MGAM2: variants seen among roughly 807,000 people sequenced by gnomAD.
MGAM2 encodes the protein probable maltase-glucoamylase 2.
In MGAM2, 98 loss-of-function variants were observed where a neutral mutation model predicts 96.1. That is an observed-to-expected ratio of 1.02 (90% confidence interval 0.87 to 1.21). The LOEUF is 1.21. Ranked by LOEUF, MGAM2 falls within the 50% of genes most tolerant of loss-of-function variation. MGAM2 has a pLI of 0.00. For missense variants in MGAM2, 2,055 were observed against 1,182.4 expected (o/e 1.74, Z -10.82); for synonymous variants, 749 against 414.8 (o/e 1.81, Z -9.79).
chr7:142,157,799 A>G, intron 17 of MGAM2, 138 bp from the exon 18 acceptor site: 3 of 613,482 alleles, frequency 4.9e-6, no homozygotes, highest in Non-Finnish European at 8.7e-6. Flanking sequence ...TAGGATTAGT[A>G]TCTTTTCAGT....
Position 142,134,076 on chromosome 7 carries a change from A to T in MGAM2, c.671A>T (p.His224Leu). Residue 224 changes from histidine to leucine, a missense_variant, in exon 7 of 48, where the codon CAT becomes CTT. Coordinates refer to ENST00000477922, the MANE Select transcript of MGAM2 (RefSeq NM_001293626.2). Reference sequence around the variant, plus strand: ...GCCAATGTGTATGGGCTGGGAGAGCATGTGCACCAGCAGTACCGCCACAAT... The same window carrying T: ...GCCAATGTGTATGGGCTGGGAGAGCTTGTGCACCAGCAGTACCGCCACAAT... The part of the protein sequence containing the change: ...PSANVYGLGE[H>L]VHQQYRHNMT... The T allele has an allele frequency of 2.6e-6, 2 of 763,068 alleles. No individual in the cohort carries two copies. Among genetic ancestry groups the T allele is most frequent in the Non-Finnish European group, 2.4e-6 (1 of 416,526 alleles). The allele number at this position is 763,068 out of a possible 1,614,324, so 47.3% of individuals were successfully genotyped here.
At chr7:142,189,307 G>A (rs2129097128) in intron 36 of MGAM2, 60 bp from the exon 37 acceptor site, 3 of 588,202 alleles carry the variant, frequency 5.1e-6, no homozygotes, top group East Asian at 3.1e-5. Context: ...AAAATGATGG[G>A]CATTTCTAGT....
chr7:142,115,703 G>A (rs142856583), intron 1 of MGAM2, among the ~76,000 whole-genome samples: 3 of 152,114 alleles, frequency 2.0e-5, no homozygotes, highest in African/African-American at 7.2e-5. Context: ...AAATTAGCAG[G>A]GCATGGTGAC....
At chr7:142,143,626 A>G (rs1247091599) in intron 12 of MGAM2, 143 bp from the exon 13 acceptor site, 1 of 440,946 alleles carries the variant, frequency 2.3e-6, no homozygotes, top group Non-Finnish European at 4.0e-6. Context: ...TATGCATTTT[A>G]TTGTTTAGTT....
rs1332685867 is a variant in MGAM2, at chr7:142,162,010, T to C, written c.2484+6T>C. ...ATGATTTCTCTGTTACCTCTGTAAG[T>C]ATTTTGTTTGAGGAACACACAGCAT... On this transcript the variant is annotated splice_donor_region_variant and intron_variant, in intron 23 of 47. Coordinates refer to ENST00000477922, the MANE Select transcript of MGAM2 (RefSeq NM_001293626.2). 7.2e-6 allele frequency: 5 copies of C among 689,676 alleles called. No homozygotes were observed. Among genetic ancestry groups the C allele is most frequent in the Non-Finnish European group, 1.1e-5 (4 of 380,392 alleles). 42.7% of individuals were successfully genotyped at this position (689,676 alleles called of 1,614,324 possible).
chr7:142,170,350 A>T, intron 27 of MGAM2, 121 bp downstream of exon 27: 1 of 501,466 alleles, frequency 2.0e-6, no homozygotes, highest in South Asian at 3.4e-5. Context: ...CATTTGTTAG[A>T]GTATATCTAT....
Position 142,155,097 on chromosome 7 carries a change from T to C in MGAM2, c.1923+252T>C, listed in dbSNP as rs142788897. On this transcript the variant is annotated intron_variant, in intron 17 of 47. Transcript: ENST00000477922. ...GTGAGAAGATTTGTTAAAGTTTCTATGGTGCTGCCATGACTTCTGTTCTAT... is the reference window on the plus strand; with the variant it reads ...GTGAGAAGATTTGTTAAAGTTTCTACGGTGCTGCCATGACTTCTGTTCTAT... Among the ~76,000 whole-genome samples, 195 of 152,350 alleles carry C rather than the reference T, an allele frequency of 1.3e-3. 1 individual carries two copies. The highest frequency in any genetic ancestry group is 2.4e-3 in the Non-Finnish European group (166 of 68,040).
chr7:142,115,918 T>C (rs1817380654), intron 1 of MGAM2, among the ~76,000 whole-genome samples: 1 of 152,172 alleles, frequency 6.6e-6, no homozygotes, highest in Non-Finnish European at 1.5e-5. Flanking sequence ...CTCATTTGCA[T>C]ATGGATTTAC....
At chr7:142,158,816 G>A (rs1315026577) in intron 19 of MGAM2, among the ~76,000 whole-genome samples, 1 of 152,184 alleles carries the variant, frequency 6.6e-6, no homozygotes, top group Non-Finnish European at 1.5e-5. Context: ...GGGAGCAGGG[G>A]TAAGTGGCAA....
chr7:142,183,645 C>T (rs1796606492), intron 33 of MGAM2, among the ~76,000 whole-genome samples: 1 of 152,128 alleles, frequency 6.6e-6, no homozygotes, highest in African/African-American at 2.4e-5. Flanking sequence ...CATTAAGAAT[C>T]CCTTTGAGAA....
chr7:142,128,001 A>G (rs1483308647), intron 3 of MGAM2, among the ~76,000 whole-genome samples: 1 of 152,220 alleles, frequency 6.6e-6, no homozygotes, highest in African/African-American at 2.4e-5. Flanking sequence ...GGACAGGAAG[A>G]TGTAGGAAAG....
intron 37 of MGAM2, among the ~76,000 whole-genome samples, chr7:142,190,855 C>G (rs757908214): frequency 2.0e-5 from 3 of 151,736 alleles, no homozygotes; most frequent in Non-Finnish European, 4.4e-5. Context: ...TGAGTTGTGG[C>G]CAGGCGTGGT....
At chr7:142,122,933 A>G (rs945238819) in intron 3 of MGAM2, among the ~76,000 whole-genome samples, 2 of 151,932 alleles carry the variant, frequency 1.3e-5, no homozygotes, top group African/African-American at 4.8e-5. Flanking sequence ...CGGTTCAAGC[A>G]ATTCTCCTGC....
intron 14 of MGAM2, among the ~76,000 whole-genome samples, chr7:142,146,783 A>G (rs1490348529): frequency 6.6e-6 from 1 of 150,984 alleles, no homozygotes; most frequent in Non-Finnish European, 1.5e-5. Flanking sequence ...TCTGGAGTGC[A>G]GTGGCACGAT....
intron 46 of MGAM2, among the ~76,000 whole-genome samples, chr7:142,215,340 C>A (rs1291023559): frequency 1.3e-5 from 2 of 151,920 alleles, no homozygotes; most frequent in African/African-American, 2.4e-5. Flanking sequence ...TAGGAGAAAT[C>A]CCTAATGTAG....
At chr7:142,172,906 T>C in intron 30 of MGAM2, 142 bp downstream of exon 30, 1 of 563,504 alleles carries the variant, frequency 1.8e-6, no homozygotes, top group East Asian at 2.8e-5. Flanking sequence ...GAAATCATAT[T>C]TTAGTATTAT....
At chr7:142,217,138 T>C (rs991534409) in intron 46 of MGAM2, among the ~76,000 whole-genome samples, 3 of 152,198 alleles carry the variant, frequency 2.0e-5, no homozygotes, top group Admixed American at 1.3e-4. Context: ...ATGAAAAATA[T>C]CCACTATGAT....
At position 142,172,752 on chromosome 7, in the gene MGAM2, G is replaced by A. The variant is rs1196268199; in HGVS notation, c.3549G>A (p.Gln1183=). The change falls in exon 30 of 48, where the codon CAG becomes CAA. Residue 1183 remains glutamine (Q), a synonymous_variant. Coordinates refer to ENST00000477922, the MANE Select transcript of MGAM2 (RefSeq NM_001293626.2). ...GGCCAACCCCTGAACTTGTAACTCA[G>A]CAATACACAGAGGTTAGAAGCCATT... The part of the protein sequence containing the change: ...VLGPTPELVT[Q]QYTELIGRPA... 2.8e-6 allele frequency: 2 copies of A among 701,772 alleles called. No individual in the cohort carries two copies. The highest frequency in any genetic ancestry group is 2.6e-6 in the Non-Finnish European group (1 of 384,626). 43.5% of individuals were successfully genotyped at this position (701,772 alleles called of 1,614,324 possible).
chr7:142,130,143 A>C (rs1480911779), intron 3 of MGAM2, among the ~76,000 whole-genome samples: 1 of 152,186 alleles, frequency 6.6e-6, no homozygotes, highest in Non-Finnish European at 1.5e-5. Context: ...AATATTTATA[A>C]TCAAACCACT....
Sources: allele counts gnomAD v4.1 joint callset (sites outside exome capture counted in the v4.1 genomes callset), GRCh38; gene constraint gnomAD v4.1.1; transcripts MANE v1.5; gene names NCBI Gene and HGNC (gene_info 2026-07-23, HGNC 2026-07-21).